CCDC146: variants seen among roughly 807,000 people sequenced by gnomAD.
CCDC146 encodes the protein coiled-coil domain containing 146.
A neutral mutation model predicts 119.3 loss-of-function variants in CCDC146; 92 were observed. That is an observed-to-expected ratio of 0.77 (90% CI 0.65 to 0.92). CCDC146 has a LOEUF of 0.92. Ranked by LOEUF, CCDC146 falls within the 40% of genes least tolerant of loss-of-function variation. The pLI is 0.00. For synonymous variants in CCDC146, 372 were observed against 371.8 expected (o/e 1.00, Z -0.01); for missense variants, 1,000 against 1,103.0 (o/e 0.91, Z 1.32).
At chr7:77,252,880 G>A (rs1483047139) in intron 4 of CCDC146, among the ~76,000 whole-genome samples, 1 of 152,214 alleles carries the variant, frequency 6.6e-6, no homozygotes, top group East Asian at 1.9e-4. Flanking sequence ...CAACATGGCT[G>A]GGGAAGACAT....
chr7:77,175,631 A>T (rs1412271140), intron 2 of CCDC146, among the ~76,000 whole-genome samples: 1 of 151,354 alleles, frequency 6.6e-6, no homozygotes, highest in Admixed American at 6.6e-5. Flanking sequence ...TTTCAGTTGC[A>T]TGTCAGATTT....
At chr7:77,219,667 T>A (rs1010781728) in intron 2 of CCDC146, among the ~76,000 whole-genome samples, 5 of 152,210 alleles carry the variant, frequency 3.3e-5, no homozygotes, top group African/African-American at 1.2e-4. Flanking sequence ...TATTTCAATG[T>A]AGGTTCTTTT....
At chr7:77,128,518 G>A (rs1459002336) in intron 1 of CCDC146, among the ~76,000 whole-genome samples, 1 of 151,182 alleles carries the variant, frequency 6.6e-6, no homozygotes, top group East Asian at 1.9e-4. Context: ...ATAAGTTTCA[G>A]TTTCCTTGTT....
intron 2 of CCDC146, among the ~76,000 whole-genome samples, chr7:77,205,960 G>A (rs1792073098): frequency 6.6e-6 from 1 of 152,172 alleles, no homozygotes; most frequent in African/African-American, 2.4e-5. Flanking sequence ...TAAATAGACT[G>A]CAAAGTGGAT....
At chr7:77,129,945 T>C (rs1790757529) in intron 1 of CCDC146, among the ~76,000 whole-genome samples, 1 of 152,126 alleles carries the variant, frequency 6.6e-6, no homozygotes, top group Admixed American at 6.5e-5. Context: ...TGTTGATGTA[T>C]CTCAGTGCTT....
At chr7:77,158,381 C>G (rs4729183) in intron 1 of CCDC146, among the ~76,000 whole-genome samples, 1 of 150,498 alleles carries the variant, frequency 6.6e-6, no homozygotes, top group South Asian at 2.1e-4. Flanking sequence ...ATTCTCTGTT[C>G]ATATCACCGT....
intron 1 of CCDC146, among the ~76,000 whole-genome samples, chr7:77,146,157 AC>A (rs1193695744): frequency 6.6e-6 from 1 of 151,736 alleles, no homozygotes; most frequent in Non-Finnish European, 1.5e-5. Flanking sequence ...TGATCCCTTT[AC>A]CATTATGTAA....
At chr7:77,294,178 T>A (rs13438702) in intron 18 of CCDC146, among the ~76,000 whole-genome samples, 18,427 of 152,240 alleles carry the variant, frequency 0.12, 1,299 homozygotes, top group African/African-American at 0.18. Flanking sequence ...CCATTGTAAC[T>A]TTTGCTCACC....
At position 77,132,658 on chromosome 7, in the gene CCDC146, G is replaced by C. The variant is rs1328443956; in HGVS notation, c.-12+9926G>C. ...ACAATGAGGCAGGAGAATCAGTTGA[G>C]TCCAGGATGTCAAGGCTGCAGTGAG... On this transcript the variant is annotated intron_variant, in intron 1 of 18. Transcript: ENST00000285871. Among the ~76,000 whole-genome samples, 11 of 151,998 alleles carry C rather than the reference G, an allele frequency of 7.2e-5. No individual in the cohort carries two copies. In the East Asian group the frequency reaches 2.1e-3, roughly 29 times the overall value.
intron 2 of CCDC146, among the ~76,000 whole-genome samples, chr7:77,181,207 T>C (rs578105913): frequency 1.3e-5 from 2 of 152,204 alleles, no homozygotes; most frequent in South Asian, 2.1e-4. Context: ...AGAGCCTTTA[T>C]TGTGGTTTTC....
intron 4 of CCDC146, among the ~76,000 whole-genome samples, chr7:77,247,549 A>G (rs1034459601): frequency 2.0e-5 from 3 of 152,268 alleles, no homozygotes; most frequent in African/African-American, 7.2e-5. Flanking sequence ...TCTATATTAA[A>G]TTCAATGTGA....
At chr7:77,189,110 A>C (rs1335846479) in intron 2 of CCDC146, among the ~76,000 whole-genome samples, 2 of 152,048 alleles carry the variant, frequency 1.3e-5, no homozygotes, top group Non-Finnish European at 2.9e-5. Context: ...TAATATTCAA[A>C]TGCCTATATC....
At chr7:77,220,908 C>G (rs1273742822) in intron 2 of CCDC146, among the ~76,000 whole-genome samples, 1 of 152,050 alleles carries the variant, frequency 6.6e-6, no homozygotes, top group Non-Finnish European at 1.5e-5. Flanking sequence ...GGGTAACTTA[C>G]AAAGAAAAGA....
At chr7:77,275,471 T>C (rs1228462343) in intron 11 of CCDC146, among the ~76,000 whole-genome samples, 1 of 152,180 alleles carries the variant, frequency 6.6e-6, no homozygotes, top group Non-Finnish European at 1.5e-5. Flanking sequence ...TTGATAATGA[T>C]CGGAGGATTT....
intron 2 of CCDC146, among the ~76,000 whole-genome samples, chr7:77,187,958 G>A (rs1001583913): frequency 3.9e-5 from 6 of 152,110 alleles, no homozygotes; most frequent in African/African-American, 1.4e-4. Flanking sequence ...CAATCCCAGC[G>A]GCCGTACTTC....
intron 4 of CCDC146, chr7:77,242,433 A>G (rs1792867665): frequency 3.1e-6 from 3 of 970,726 alleles, no homozygotes; most frequent in African/African-American, 1.8e-5. Context: ...GAGAAAAGGT[A>G]TATCCTTTTG....
intron 2 of CCDC146, among the ~76,000 whole-genome samples, chr7:77,206,568 G>T (rs868315491): frequency 4.0e-5 from 6 of 151,620 alleles, no homozygotes; most frequent in African/African-American, 1.5e-4. Context: ...AAGAGGTGGG[G>T]GTTGCAGTGA....
chr7:77,179,330 C>T (rs543479505), intron 2 of CCDC146, among the ~76,000 whole-genome samples: 22 of 151,958 alleles, frequency 1.4e-4, no homozygotes, highest in Admixed American at 9.2e-4. Context: ...GAATAGTAAA[C>T]AATGAAAAGT....
chr7:77,221,682 C>A (rs1792406162), intron 2 of CCDC146, among the ~76,000 whole-genome samples: 1 of 152,188 alleles, frequency 6.6e-6, no homozygotes, highest in Admixed American at 6.5e-5. Flanking sequence ...CTTCAGCGCA[C>A]TTCCCATCTG....
Sources: gnomAD v4.1 joint callset for allele counts (sites outside exome capture counted in the v4.1 genomes callset) on GRCh38, gnomAD v4.1.1 for gene constraint, MANE v1.5 for transcripts, NCBI Gene and HGNC (gene_info 2026-07-23, HGNC 2026-07-21) for gene names.